PALMD: variants seen among roughly 807,000 people sequenced by gnomAD.
The protein encoded by PALMD is palmdelphin.
PALMD carries 42 observed loss-of-function variants against 56.2 expected under a neutral mutation model. That is an observed-to-expected ratio of 0.75 (90% confidence interval 0.58 to 0.97). The LOEUF (loss-of-function observed/expected upper bound fraction) is 0.97. Among genes scored for constraint, PALMD ranks in the 50% least tolerant of loss-of-function variants. PALMD has a pLI of 0.00. For synonymous variants in PALMD, 242 were observed against 222.9 expected, an observed-to-expected ratio of 1.09 and a Z score of -0.76; for missense variants, 660 against 643.8, an observed-to-expected ratio of 1.03 and a Z score of -0.27.
chr1:99,681,105 ATGTGTG>A (rs56957907), intron 3 of PALMD, among the ~76,000 whole-genome samples: 5,925 of 148,780 alleles, frequency 0.04, 296 homozygotes, highest in African/African-American at 0.11. Flanking sequence ...GTGTGTATAT[ATGTGTG>A]TGTGTGTGTG....
intron 1 of PALMD, among the ~76,000 whole-genome samples, chr1:99,658,371 C>CG (rs1652773032): frequency 6.6e-6 from 1 of 151,640 alleles, no homozygotes; most frequent in Non-Finnish European, 1.5e-5. Flanking sequence ...ACTATAGTTA[C>CG]TTACACAAAT....
chr1:99,664,656 A>G (rs1652920798), intron 2 of PALMD, among the ~76,000 whole-genome samples: 1 of 152,188 alleles, frequency 6.6e-6, no homozygotes, highest in Non-Finnish European at 1.5e-5. Flanking sequence ...TAATTCCAAA[A>G]TGGGGTTCAA....
intron 3 of PALMD, among the ~76,000 whole-genome samples, chr1:99,681,153 G>A (rs1343240957): frequency 3.3e-4 from 49 of 146,346 alleles, no homozygotes; most frequent in African/African-American, 1.3e-3. Context: ...ATATATATAT[G>A]TATAGAGCCC....
At chr1:99,662,221 AT>A (rs1557668675) in intron 1 of PALMD, 97 bp from the exon 2 acceptor site, 4 of 682,250 alleles carry the variant, frequency 5.9e-6, no homozygotes, top group South Asian at 1.7e-5. Context: ...TGCCAAAAAA[AT>A]ATCAGTAACG....
chr1:99,648,613 T>C (rs1652494647), intron 1 of PALMD, among the ~76,000 whole-genome samples: 1 of 151,944 alleles, frequency 6.6e-6, no homozygotes. Context: ...CAGAAGGCAA[T>C]TCCCCAATGC....
chr1:99,654,113 G>C (rs1652656395), intron 1 of PALMD, among the ~76,000 whole-genome samples: 1 of 151,932 alleles, frequency 6.6e-6, no homozygotes, highest in African/African-American at 2.4e-5. Context: ...TAGAAAATCA[G>C]GTTCAACACA....
Position 99,686,938 on chromosome 1 carries a change from A to G in PALMD, c.375A>G (p.Lys125=). The G allele has an allele frequency of 6.3e-7, 1 of 1,576,800 alleles. No individual in the cohort carries two copies. Among genetic ancestry groups the G allele is most frequent in the Non-Finnish European group, 8.7e-7 (1 of 1,149,814 alleles). ...ATTCTTTTTTCTTACAGTCTGTGAA[A>G]GTGGAAAGAGAAGAAAGAGCAGAAG... The part of the protein sequence containing the change: ...RTTEDIIRSV[K]VEREERAEES... Residue 125 remains lysine (K), a synonymous_variant, in exon 5 of 8, where the codon AAA becomes AAG. Coordinates refer to ENST00000263174, the MANE Select transcript of PALMD (RefSeq NM_017734.5).
At position 99,689,523 on chromosome 1, in the gene PALMD, G is replaced by A. The variant is rs1356575402; in HGVS notation, c.1263G>A (p.Gln421=). Reference sequence around the variant, plus strand: ...TGACAATGATTTTCATGGGGTATCAGCAGGCAGAAGACAGTGAAGAAGATA... The same window carrying A: ...TGACAATGATTTTCATGGGGTATCAACAGGCAGAAGACAGTGAAGAAGATA... ...EPVTMIFMGY[Q]QAEDSEEDKK... Residue 421 remains glutamine, a synonymous_variant, in exon 7 of 8, where the codon CAG becomes CAA. Transcript: ENST00000263174. 3 of 1,613,764 alleles carry A rather than the reference G, an allele frequency of 1.9e-6. No homozygotes were observed. The South Asian group carries it at 3.3e-5, about 18-fold the overall frequency.
chr1:99,659,896 T>C (rs983525629), intron 1 of PALMD, among the ~76,000 whole-genome samples: 1 of 152,188 alleles, frequency 6.6e-6, no homozygotes, highest in Non-Finnish European at 1.5e-5. Flanking sequence ...TAGCAACCCT[T>C]GTATAAGCCT....
intron 6 of PALMD, among the ~76,000 whole-genome samples, 157 bp downstream of exon 6, chr1:99,687,346 T>A (rs138822144): frequency 7.9e-5 from 12 of 152,290 alleles, no homozygotes; most frequent in Non-Finnish European, 1.3e-4. Flanking sequence ...TAGGTGAGGA[T>A]AATGAGGGTA....
chr1:99,684,640 A>T (rs1653446530), intron 3 of PALMD: 1 of 152,130 alleles, frequency 6.6e-6, no homozygotes, highest in Admixed American at 6.6e-5. Flanking sequence ...CTCCCACCTC[A>T]GCCTCCCATG....
intron 3 of PALMD, among the ~76,000 whole-genome samples, chr1:99,681,131 GTGTGTA>G (rs375894613): frequency 0.042 from 5,958 of 140,970 alleles, 240 homozygotes; most frequent in East Asian, 0.16. Flanking sequence ...GTGTGTGTGT[GTGTGTA>G]TGTATATATA....
Position 99,653,272 on chromosome 1 carries a change from A to AT in PALMD, c.45+6918dup, listed in dbSNP as rs1385548268. On this transcript the variant is annotated intron_variant, in intron 1 of 7. Transcript: ENST00000263174. ...TACTGATTGGCTGGCCTGCTGACAG[A>AT]TTTTTTTTCACTGAAGACCCGGCCA... Among the ~76,000 whole-genome samples, 11 of 152,118 alleles carry AT rather than the reference A, an allele frequency of 7.2e-5. No homozygotes were observed. The South Asian group carries it at 2.1e-3, about 29-fold the overall frequency.
chr1:99,655,182 T>C (rs1652690582), intron 1 of PALMD, among the ~76,000 whole-genome samples: 1 of 152,000 alleles, frequency 6.6e-6, no homozygotes, highest in African/African-American at 2.4e-5. Flanking sequence ...TAGTTAAAAA[T>C]TTAGAAAAAC....
At chr1:99,681,151 A>G (rs1002323426) in intron 3 of PALMD, among the ~76,000 whole-genome samples, 4 of 151,330 alleles carry the variant, frequency 2.6e-5, no homozygotes, top group Non-Finnish European at 4.4e-5. Flanking sequence ...ATATATATAT[A>G]TGTATAGAGC....
At chr1:99,681,108 TGTG>T (rs1653333146) in intron 3 of PALMD, among the ~76,000 whole-genome samples, 1 of 8,280 alleles carries the variant, frequency 1.2e-4, no homozygotes, top group African/African-American at 1.4e-3. Context: ...TGTATATATG[TGTG>T]TGTGTGTGTG....
chr1:99,662,042 A>G (rs546425208), intron 1 of PALMD, among the ~76,000 whole-genome samples: 6 of 152,302 alleles, frequency 3.9e-5, no homozygotes, highest in South Asian at 4.1e-4. Context: ...CAGTAGGTCA[A>G]TCTTGCTAGA....
intron 3 of PALMD, among the ~76,000 whole-genome samples, chr1:99,681,091 A>ATGTGTGTGTG (rs1327669485): frequency 8.3e-6 from 1 of 121,078 alleles, no homozygotes; most frequent in Admixed American, 9.1e-5. Context: ...ATATACATAT[A>ATGTGTGTGTG]TGTGTGTGTA....
At chr1:99,673,581 C>CAA (rs750653367) in intron 3 of PALMD, among the ~76,000 whole-genome samples, 86,972 of 151,310 alleles carry the variant, frequency 0.57, 25,368 homozygotes, top group Non-Finnish European at 0.64. Context: ...TTACATGAGT[C>CAA]AAAATCGTTC....
Sources: gnomAD v4.1 joint callset for allele counts (sites outside exome capture counted in the v4.1 genomes callset) on GRCh38, gnomAD v4.1.1 for gene constraint, MANE v1.5 for transcripts, NCBI Gene and HGNC (gene_info 2026-07-23, HGNC 2026-07-21) for gene names.